SPATA16: variants seen among roughly 807,000 people sequenced by gnomAD.
The protein encoded by SPATA16 is spermatogenesis-associated protein 16.
A neutral mutation model predicts 63.3 loss-of-function variants in SPATA16; 36 were observed. That is an observed-to-expected ratio of 0.57 (90% CI 0.44 to 0.75). SPATA16 has a LOEUF of 0.75. SPATA16 is among the 30% of genes least tolerant of loss of function. SPATA16 has a pLI of 0.00. For missense variants in SPATA16, 646 were observed against 679.3 expected (o/e 0.95, Z 0.54); for synonymous variants, 203 against 216.7 (o/e 0.94, Z 0.56).
chr3:173,066,437 C>T (rs1350065142), intron 2 of SPATA16, among the ~76,000 whole-genome samples: 1 of 152,186 alleles, frequency 6.6e-6, no homozygotes, highest in Non-Finnish European at 1.5e-5. Flanking sequence ...GTCAACCCTC[C>T]TCCAACTCCA....
intron 1 of SPATA16, among the ~76,000 whole-genome samples, chr3:173,122,792 G>A (rs983939464): frequency 1.3e-5 from 2 of 152,132 alleles, no homozygotes; most frequent in Non-Finnish European, 2.9e-5. Flanking sequence ...AGGAGATGTT[G>A]TTTTACTAGA....
At chr3:173,113,731 G>A (rs1030343840) in intron 2 of SPATA16, among the ~76,000 whole-genome samples, 2 of 152,128 alleles carry the variant, frequency 1.3e-5, no homozygotes, top group Non-Finnish European at 2.9e-5. Context: ...TAGATGCATT[G>A]GAAATTGTTA....
At position 173,075,813 on chromosome 3, in the gene SPATA16, A is replaced by G. The variant is rs541505428; in HGVS notation, c.613-26719T>C. Among the ~76,000 whole-genome samples, 76 of 152,246 alleles carry G rather than the reference A, an allele frequency of 5.0e-4. No homozygotes were observed. In the South Asian group the frequency reaches 0.01, roughly 21 times the overall value. ...AAGGATAAAGAGGGATGGTTAGTGC[A>G]TACAAGAATATAGATAGAAGAAATA... On this transcript the variant is annotated intron_variant, in intron 2 of 10. Coordinates refer to ENST00000351008, the MANE Select transcript of SPATA16 (RefSeq NM_031955.6).
chr3:173,120,658 C>G (rs1056047999), intron 1 of SPATA16, among the ~76,000 whole-genome samples: 3 of 152,120 alleles, frequency 2.0e-5, no homozygotes, highest in Admixed American at 2.0e-4. Context: ...ATAAAGTTAT[C>G]TTTATAGCCA....
chr3:173,010,152 T>A (rs1735032353), intron 4 of SPATA16, among the ~76,000 whole-genome samples: 1 of 152,200 alleles, frequency 6.6e-6, no homozygotes, highest in Non-Finnish European at 1.5e-5. Context: ...CCAGACCCTA[T>A]TCTTCTGCCT....
intron 4 of SPATA16, among the ~76,000 whole-genome samples, chr3:172,980,352 C>G (rs966023959): frequency 6.6e-6 from 1 of 152,178 alleles, no homozygotes; most frequent in African/African-American, 2.4e-5. Context: ...TCAGGTATCT[C>G]TCTACCATTA....
At chr3:173,012,585 G>GACCT (rs1735097117) in intron 4 of SPATA16, among the ~76,000 whole-genome samples, 1 of 152,130 alleles carries the variant, frequency 6.6e-6, no homozygotes. Context: ...CACACACAGA[G>GACCT]ACCTACAGAA....
At chr3:173,069,290 CA>C (rs1577158665) in intron 2 of SPATA16, among the ~76,000 whole-genome samples, 1 of 151,580 alleles carries the variant, frequency 6.6e-6, no homozygotes, top group East Asian at 1.9e-4. Context: ...AAATTGGAGA[CA>C]AAAAAGGAGA....
At chr3:172,991,263 A>G (rs1734571168) in intron 4 of SPATA16, among the ~76,000 whole-genome samples, 2 of 152,142 alleles carry the variant, frequency 1.3e-5, no homozygotes, top group Non-Finnish European at 1.5e-5. Context: ...CCATGGTTAA[A>G]TATACCTGTT....
intron 2 of SPATA16, among the ~76,000 whole-genome samples, chr3:173,063,132 C>T (rs1261142092): frequency 6.6e-6 from 1 of 152,064 alleles, no homozygotes. Context: ...GTCTATATAC[C>T]ATCTATATCT....
intron 3 of SPATA16, among the ~76,000 whole-genome samples, chr3:173,036,505 A>G (rs1205813483): frequency 6.6e-6 from 1 of 152,060 alleles, no homozygotes; most frequent in Admixed American, 6.6e-5. Context: ...TCATGAATGG[A>G]TAAACAATCC....
intron 2 of SPATA16, among the ~76,000 whole-genome samples, chr3:173,088,543 A>G (rs892205509): frequency 3.3e-5 from 5 of 152,206 alleles, no homozygotes; most frequent in African/African-American, 1.2e-4. Flanking sequence ...TTATGATTAT[A>G]TAGATTTGTA....
intron 2 of SPATA16, among the ~76,000 whole-genome samples, chr3:173,051,583 C>T (rs1445619440): frequency 5.9e-5 from 9 of 152,022 alleles, no homozygotes; most frequent in Non-Finnish European, 1.0e-4. Flanking sequence ...GTAATCTGCT[C>T]GCCTCAGTCT....
chr3:173,101,827 A>G (rs1258091391), intron 2 of SPATA16, among the ~76,000 whole-genome samples: 2 of 151,980 alleles, frequency 1.3e-5, no homozygotes, highest in African/African-American at 4.8e-5. Context: ...ATATCCTCCA[A>G]CATCTGTCCT....
At position 173,092,282 on chromosome 3, in the gene SPATA16, G is replaced by A. The variant is rs577129496; in HGVS notation, c.612+24838C>T. On this transcript the variant is annotated intron_variant, in intron 2 of 10. Transcript: ENST00000351008. ...TCATAGTCTTCACAGTTCTTGACAA[G>A]CCAGTAATTGAGAAGAAAGCAATTT... Among the ~76,000 whole-genome samples the A allele has an allele frequency of 6.6e-5, 10 of 152,252 alleles. No individual in the cohort carries two copies. In the South Asian group the frequency reaches 1.7e-3, roughly 25 times the overall value.
In SPATA16 at chr3:173,086,405, T is replaced by C. The variant is rs149121161; in HGVS notation, c.612+30715A>G. Among the ~76,000 whole-genome samples the C allele has an allele frequency of 7.7e-4, 117 of 152,250 alleles. No homozygotes were observed. In the East Asian group the frequency reaches 0.02, roughly 27 times the overall value. On this transcript the variant is annotated intron_variant, in intron 2 of 10. Transcript: ENST00000351008. ...ATATCCCTTTTATGGTTTTCTATGA[T>C]GTCTATTTGATTCTTCTCTCATTTC...
intron 1 of SPATA16, among the ~76,000 whole-genome samples, chr3:173,132,305 A>T (rs888626717): frequency 2.0e-5 from 3 of 152,148 alleles, no homozygotes; most frequent in Non-Finnish European, 2.9e-5. Flanking sequence ...AATATTATTT[A>T]AAAAACCTTT....
At chr3:172,946,886 G>A (rs1363018753) in intron 6 of SPATA16, among the ~76,000 whole-genome samples, 1 of 152,186 alleles carries the variant, frequency 6.6e-6, no homozygotes, top group Non-Finnish European at 1.5e-5. Context: ...GGTCTTGGGA[G>A]GGACCCAGTG....
chr3:172,901,259 G>T (rs767654069), intron 10 of SPATA16, among the ~76,000 whole-genome samples: 1 of 152,028 alleles, frequency 6.6e-6, no homozygotes, highest in African/African-American at 2.4e-5. Flanking sequence ...GAGTGCAATC[G>T]CATGATCTCG....
Sources: gnomAD v4.1 joint callset for allele counts (sites outside exome capture counted in the v4.1 genomes callset) on GRCh38, gnomAD v4.1.1 for gene constraint, MANE v1.5 for transcripts, NCBI Gene and HGNC (gene_info 2026-07-23, HGNC 2026-07-21) for gene names.